THSD7A: variants seen among roughly 807,000 people sequenced by gnomAD.
THSD7A encodes thrombospondin type 1 domain containing 7A.
In THSD7A, 96 loss-of-function variants were observed where a neutral mutation model predicts 231.3. The ratio of observed to expected loss-of-function variants is 0.41; its 90% CI spans 0.35 to 0.49. The LOEUF (loss-of-function observed/expected upper bound fraction) is 0.49, where lower values mean the gene tolerates loss of function less well. Ranked by LOEUF, THSD7A falls within the 20% of genes least tolerant of loss-of-function variation. THSD7A has a pLI of 0.05. For missense variants in THSD7A, 2,290 were observed against 2,070.2 expected, an observed-to-expected ratio of 1.11 and a Z score of -2.06; for synonymous variants, 940 against 743.3, an observed-to-expected ratio of 1.26 and a Z score of -4.30.
chr7:11,642,361 C>T (rs1302864170), intron 1 of THSD7A, among the ~76,000 whole-genome samples: 24 of 152,098 alleles, frequency 1.6e-4, no homozygotes, highest in Admixed American at 1.6e-3. Context: ...AATTTGGAAT[C>T]TGATTGAGCA....
At chr7:11,663,857 T>G (rs2128374503) in intron 1 of THSD7A, among the ~76,000 whole-genome samples, 2 of 151,824 alleles carry the variant, frequency 1.3e-5, no homozygotes, top group South Asian at 4.1e-4. Context: ...AAAACATAAC[T>G]GGAATGACAT....
intron 26 of THSD7A, chr7:11,378,743 C>G (rs772943878): frequency 2.4e-5 from 7 of 292,132 alleles, no homozygotes; most frequent in African/African-American, 1.5e-4. Context: ...TTCTGAATGA[C>G]AACACATTTT....
intron 4 of THSD7A, among the ~76,000 whole-genome samples, chr7:11,552,966 TTC>T (rs886381209): frequency 2.0e-5 from 3 of 152,152 alleles, no homozygotes; most frequent in East Asian, 3.9e-4. Context: ...TCAGACACCC[TTC>T]TCTCTCTCTA....
intron 7 of THSD7A, among the ~76,000 whole-genome samples, chr7:11,478,803 T>C (rs539408525): frequency 3.0e-4 from 45 of 152,246 alleles, no homozygotes; most frequent in African/African-American, 1.0e-3. Context: ...ATATACACAC[T>C]GATACACAAT....
Position 11,750,648 on chromosome 7 carries a change from G to A in THSD7A, c.190+81109C>T, listed in dbSNP as rs114540887. Among the ~76,000 whole-genome samples the A allele has an allele frequency of 5.4e-3, 823 of 152,032 alleles. 7 individuals carry two copies. The highest frequency in any genetic ancestry group is 0.019 in the African/African-American group (780 of 41,534). On this transcript the variant is annotated intron_variant, in intron 1 of 27. Coordinates refer to ENST00000423059, the MANE Select transcript of THSD7A (RefSeq NM_015204.3). ...CTGACGTGGCGCAGGTTGTCTGCAC[G>A]GGGACTACTGGATGGCCTCAAACTT... is the stretch of plus-strand genomic sequence containing the variant.
At chr7:11,483,069 G>T (rs1181105730) in intron 6 of THSD7A, among the ~76,000 whole-genome samples, 12 of 152,088 alleles carry the variant, frequency 7.9e-5, no homozygotes, top group African/African-American at 2.9e-4. Flanking sequence ...CATAATTCTG[G>T]GTGAATATAT....
chr7:11,751,434 C>G (rs1439247675), intron 1 of THSD7A: 1 of 152,012 alleles, frequency 6.6e-6, no homozygotes, highest in East Asian at 1.9e-4. Flanking sequence ...CCCTGTTGTT[C>G]TGGTTCCTGC....
At chr7:11,662,243 G>A (rs1245028414) in intron 1 of THSD7A, among the ~76,000 whole-genome samples, 1 of 151,070 alleles carries the variant, frequency 6.6e-6, no homozygotes, top group Non-Finnish European at 1.5e-5. Flanking sequence ...AGAAGCTTGT[G>A]CAGATATATT....
At chr7:11,760,487 T>C (rs1782819371) in intron 1 of THSD7A, among the ~76,000 whole-genome samples, 2 of 152,134 alleles carry the variant, frequency 1.3e-5, no homozygotes, top group East Asian at 1.9e-4. Flanking sequence ...TTCCTCATTA[T>C]GTGAACGCAA....
chr7:11,714,234 G>A (rs182522465), intron 1 of THSD7A, among the ~76,000 whole-genome samples: 8 of 151,284 alleles, frequency 5.3e-5, no homozygotes, highest in Admixed American at 1.3e-4. Context: ...AAAAGTATGT[G>A]CTATGTGCTA....
chr7:11,462,933 C>A (rs1039863821), intron 9 of THSD7A, among the ~76,000 whole-genome samples: 1 of 152,066 alleles, frequency 6.6e-6, no homozygotes, highest in Non-Finnish European at 1.5e-5. Context: ...AACTTGCCAA[C>A]TTTAATAAAA....
intron 1 of THSD7A, among the ~76,000 whole-genome samples, chr7:11,765,970 A>G (rs1411152087): frequency 1.3e-5 from 2 of 152,234 alleles, no homozygotes; most frequent in Non-Finnish European, 2.9e-5. Flanking sequence ...GTTTGACTTT[A>G]TAATTATTTG....
In THSD7A at chr7:11,541,887, A is replaced by G. The variant is rs561050379; in HGVS notation, c.1610-256T>C. Among the ~76,000 whole-genome samples, 3 of 152,272 alleles carry G rather than the reference A, an allele frequency of 2.0e-5. No homozygotes were observed. In the South Asian group the frequency reaches 6.2e-4, roughly 32 times the overall value. On this transcript the variant is annotated intron_variant, in intron 5 of 27. Coordinates refer to ENST00000423059, the MANE Select transcript of THSD7A (RefSeq NM_015204.3). ...AGCTTACTACTGCAAAGGTAAGGCT[A>G]GAAATGTCATATAGTACCCATCTCC...
At chr7:11,393,056 C>A (rs1583659750) in intron 23 of THSD7A, among the ~76,000 whole-genome samples, 1 of 152,198 alleles carries the variant, frequency 6.6e-6, no homozygotes, top group Non-Finnish European at 1.5e-5. Context: ...CATACTCTCT[C>A]CCGAAGTGGG....
At chr7:11,412,543 C>A in intron 18 of THSD7A, 113 bp downstream of exon 18, 1 of 1,239,334 alleles carries the variant, frequency 8.1e-7, no homozygotes, top group South Asian at 1.7e-5. Flanking sequence ...GGAAAGTAAG[C>A]AGCATATCCA....
intron 1 of THSD7A, among the ~76,000 whole-genome samples, chr7:11,688,933 AT>A (rs1171922736): frequency 6.6e-6 from 1 of 151,878 alleles, no homozygotes. Flanking sequence ...AATAGACTTC[AT>A]TGGGATTCGT....
At chr7:11,743,751 A>C (rs1181928133) in intron 1 of THSD7A, among the ~76,000 whole-genome samples, 1 of 151,856 alleles carries the variant, frequency 6.6e-6, no homozygotes, top group Admixed American at 6.6e-5. Flanking sequence ...GTGATAAATC[A>C]ATGTCTGAAA....
chr7:11,533,717 A>G (rs374477768), intron 6 of THSD7A, among the ~76,000 whole-genome samples: 20 of 152,246 alleles, frequency 1.3e-4, no homozygotes, highest in African/African-American at 4.8e-4. Context: ...AGGAAACAAT[A>G]CACACCAGGG....
At chr7:11,492,513 T>C (rs1786937965) in intron 6 of THSD7A, among the ~76,000 whole-genome samples, 1 of 152,056 alleles carries the variant, frequency 6.6e-6, no homozygotes, top group Non-Finnish European at 1.5e-5. Flanking sequence ...GACTTACACA[T>C]TCTATATTTA....
Sources: allele counts gnomAD v4.1 joint callset (sites outside exome capture counted in the v4.1 genomes callset), GRCh38; gene constraint gnomAD v4.1.1; transcripts MANE v1.5; gene names NCBI Gene and HGNC (gene_info 2026-07-23, HGNC 2026-07-21).